Variants in TMEM254 observed in about 807,000 individuals in gnomAD.
The protein encoded by TMEM254 is transmembrane protein 254, also known as transmembrane protein C10orf57.
TMEM254 carries 16 observed loss-of-function variants against 13.9 expected under a neutral mutation model. The observed-to-expected ratio is 1.15, with a 90% confidence interval of 0.78 to 1.75. The LOEUF is 1.75. Among genes scored for constraint, TMEM254 ranks in the 40% most tolerant of loss-of-function variants. The pLI, the probability that TMEM254 is intolerant of heterozygous loss-of-function variation, is 0.00. For synonymous variants in TMEM254, 61 were observed against 56.4 expected (o/e 1.08, Z -0.36); for missense variants, 155 against 149.0 (o/e 1.04, Z -0.21).
chr10:80,090,684 C>T (rs1171021732), intron 3 of TMEM254, 113 bp from the exon 4 acceptor site: 1 of 964,056 alleles, frequency 1.0e-6, no homozygotes, highest in African/African-American at 1.7e-5. Context: ...CAAAATAAAC[C>T]CAATGAAAGT....
chr10:80,082,041 T>G (rs1844061540), intron 2 of TMEM254, 97 bp downstream of exon 2: 1 of 1,558,316 alleles, frequency 6.4e-7, no homozygotes, highest in Admixed American at 1.7e-5. Flanking sequence ...CTAAGAGTAG[T>G]GTCGGTTCAC....
At position 80,082,336 on chromosome 10, in the gene TMEM254, GATACT is replaced by G. The variant is rs1466457216; in HGVS notation, c.251+133_251+137del. 6 of 998,846 alleles carry G rather than the reference GATACT, an allele frequency of 6.0e-6. No homozygotes were observed. The Admixed American group carries it at 6.7e-5, about 11-fold the overall frequency. 61.9% of individuals were successfully genotyped at this position (998,846 alleles called of 1,614,324 possible). On this transcript the variant is annotated intron_variant, in intron 3 of 3. Coordinates refer to ENST00000372281, the MANE Select transcript of TMEM254 (RefSeq NM_025125.4). ...AGGGTAGAGCGGAATCCCCATGCCT[GATACT>G]GAGCCTGGAGCAGAGGCAGTACCCA... is the stretch of plus-strand genomic sequence containing the variant.
At chr10:80,084,064 G>A (rs1844188731) in intron 3 of TMEM254, among the ~76,000 whole-genome samples, 1 of 152,026 alleles carries the variant, frequency 6.6e-6, no homozygotes, top group Non-Finnish European at 1.5e-5. Flanking sequence ...TAGCCTGGGT[G>A]ACAGAGCAAG....
rs1432956413 is a variant in TMEM254 at position 80,081,876 on chromosome 10, G to C, written c.123G>C (p.Gln41His). 2.5e-5 allele frequency: 41 copies of C among 1,614,088 alleles called. No individual in the cohort carries two copies. The highest frequency in any genetic ancestry group is 3.5e-5 in the Non-Finnish European group (41 of 1,180,040). ...TCTGGCCTCAGAGTATCCCTTATCAGAACCTTGGGCCCCTGGGCCCCTTCA... is the reference window on the plus strand; with the variant it reads ...TCTGGCCTCAGAGTATCCCTTATCACAACCTTGGGCCCCTGGGCCCCTTCA... Reference protein sequence around the residue: ...VVFWPQSIPYQNLGPLGPFTQ... With the variant: ...VVFWPQSIPYHNLGPLGPFTQ... Residue 41 changes from glutamine (Q) to histidine (H), a missense_variant, in exon 2 of 4, where the codon CAG becomes CAC. Transcript: ENST00000372281.
chr10:80,085,063 G>A lies in TMEM254; in HGVS notation c.251+2859G>A, dbSNP rs571050842. Reference sequence around the variant, plus strand: ...TCTTGATCTCTTGACCTCGTAATCCGCCCACCTCGGTTTCCCAAAGTGCTG... The same window carrying A: ...TCTTGATCTCTTGACCTCGTAATCCACCCACCTCGGTTTCCCAAAGTGCTG... On this transcript the variant is annotated intron_variant, in intron 3 of 3. Transcript: ENST00000372281. 1.6e-4 allele frequency among the ~76,000 whole-genome samples: 25 copies of A among 152,022 alleles called. No individual in the cohort carries two copies. In the East Asian group the frequency reaches 4.3e-3, roughly 26 times the overall value.
chr10:80,082,742 A>G (rs961652913), intron 3 of TMEM254, among the ~76,000 whole-genome samples: 1 of 152,228 alleles, frequency 6.6e-6, no homozygotes, highest in African/African-American at 2.4e-5. Context: ...GACCCCACTC[A>G]GGAGATGCTA....
chr10:80,081,353 C>T (rs1844012574), intron 1 of TMEM254, among the ~76,000 whole-genome samples: 1 of 152,104 alleles, frequency 6.6e-6, no homozygotes, highest in African/African-American at 2.4e-5. Flanking sequence ...GCATAAGTCT[C>T]CCAGTAGAGT....
chr10:80,092,459 GAAAT>G lies in TMEM254; in HGVS notation c.*1545_*1548del, dbSNP rs1393013836. The G allele has an allele frequency of 1.3e-5, 2 of 152,114 alleles. No homozygotes were observed. The highest frequency in any genetic ancestry group is 4.8e-5 in the African/African-American group (2 of 41,426). The allele number at this position is 152,114 out of a possible 1,614,324, so 9.4% of individuals were successfully genotyped here. ...CTTAATACCTGGTCTTCCTCAAAGA[GAAAT>G]AATAACAGTAATAGTGGTGCTGGGA... On this transcript the variant is annotated 3_prime_UTR_variant, in exon 4 of 4. Transcript: ENST00000372281.
At chr10:80,081,006 C>G (rs951814359) in intron 1 of TMEM254, among the ~76,000 whole-genome samples, 1 of 152,128 alleles carries the variant, frequency 6.6e-6, no homozygotes, top group East Asian at 1.9e-4. Context: ...TTTGAATCCG[C>G]GAGGCGGAGG....
intron 3 of TMEM254, among the ~76,000 whole-genome samples, chr10:80,083,348 C>T (rs879933826): frequency 5.3e-5 from 8 of 152,110 alleles, no homozygotes; most frequent in African/African-American, 7.2e-5. Context: ...TCAGGTGATC[C>T]GCCTGCCTTC....
At chr10:80,088,266 C>T (rs182977502) in intron 3 of TMEM254, among the ~76,000 whole-genome samples, 38 of 152,242 alleles carry the variant, frequency 2.5e-4, no homozygotes, top group Middle Eastern at 6.8e-3. Flanking sequence ...TCATTGTTAT[C>T]TGACAAAGCA....
Position 80,090,863 on chromosome 10 carries a change from A to G in TMEM254, c.318A>G (p.Ile106Met), listed in dbSNP as rs1844549177. The G allele has an allele frequency of 1.9e-6, 3 of 1,614,052 alleles. No individual in the cohort carries two copies. The African/African-American group carries it at 4.0e-5, about 22-fold the overall frequency. ...LWFLQTFFFG[I>M]ASLTILIAYK... ...TCCTACAGACTTTCTTCTTTGGGAT[A>G]GCGTCTCTCACCATCTTGATTGCTT... Residue 106 changes from isoleucine (I) to methionine (M), a missense_variant, in exon 4 of 4, where the codon ATA (isoleucine) becomes ATG (methionine). Physicochemically the swap from Ile to Met is conservative, Grantham distance 10. Transcript: ENST00000372281.
At chr10:80,089,084 A>G (rs1173386893) in intron 3 of TMEM254, among the ~76,000 whole-genome samples, 2 of 152,122 alleles carry the variant, frequency 1.3e-5, no homozygotes, top group Non-Finnish European at 2.9e-5. Context: ...TGCTAAATAA[A>G]TTTATTAATT....
At chr10:80,086,793 A>G (rs1219142213) in intron 3 of TMEM254, among the ~76,000 whole-genome samples, 3 of 150,652 alleles carry the variant, frequency 2.0e-5, no homozygotes, top group Admixed American at 6.6e-5. Flanking sequence ...GTGAGCCGAG[A>G]TCGCACGACT....
intron 3 of TMEM254, among the ~76,000 whole-genome samples, chr10:80,083,561 G>T (rs1394615379): frequency 6.6e-6 from 1 of 152,184 alleles, no homozygotes; most frequent in Non-Finnish European, 1.5e-5. Flanking sequence ...GTCACCATCT[G>T]ATATTATCTA....
At chr10:80,081,238 G>A (rs1480643917) in intron 1 of TMEM254, among the ~76,000 whole-genome samples, 4 of 151,724 alleles carry the variant, frequency 2.6e-5, no homozygotes, top group South Asian at 2.1e-4. Flanking sequence ...GTGACAAAGC[G>A]AGATCCCTTC....
intron 3 of TMEM254, among the ~76,000 whole-genome samples, chr10:80,089,343 G>T (rs942401767): frequency 1.3e-5 from 2 of 152,106 alleles, no homozygotes; most frequent in African/African-American, 4.8e-5. Context: ...AAGTTCCATT[G>T]TATTTCTAAC....
chr10:80,084,119 G>C (rs1844193980), intron 3 of TMEM254, among the ~76,000 whole-genome samples: 1 of 152,046 alleles, frequency 6.6e-6, no homozygotes. Flanking sequence ...ACAATAAACA[G>C]CTGCTGCCTT....
At chr10:80,080,394 A>T (rs989256763) in intron 1 of TMEM254, among the ~76,000 whole-genome samples, 1 of 152,232 alleles carries the variant, frequency 6.6e-6, no homozygotes, top group Non-Finnish European at 1.5e-5. Context: ...GCTGAAAGTT[A>T]AGATTACGAA....
Sources: allele counts gnomAD v4.1 joint callset (sites outside exome capture counted in the v4.1 genomes callset), GRCh38; gene constraint gnomAD v4.1.1; transcripts MANE v1.5; gene names NCBI Gene and HGNC (gene_info 2026-07-23, HGNC 2026-07-21).